SYTL5: variants seen among roughly 807,000 people sequenced by gnomAD.
The protein encoded by SYTL5 is synaptotagmin-like protein 5.
In SYTL5, 34 loss-of-function variants were observed where a neutral mutation model predicts 55.9. That is an observed-to-expected ratio of 0.61 (90% CI 0.46 to 0.81). SYTL5 has a LOEUF of 0.81. Ranked by LOEUF, SYTL5 falls within the 30% of genes least tolerant of loss-of-function variation. SYTL5 has a pLI of 0.00. For synonymous variants in SYTL5, 221 were observed against 188.7 expected (o/e 1.17, Z -1.40); for missense variants, 637 against 546.7 (o/e 1.17, Z -1.65).
chrX:37,952,298 G>T, the SYTL5 span, among the ~76,000 whole-genome samples: 1 of 111,583 alleles, frequency 9.0e-6, no homozygotes, highest in Non-Finnish European at 1.9e-5. Context: ...GTCTAGCCCT[G>T]GGTTTGTCTG....
chrX:37,972,466 C>T, the SYTL5 span, among the ~76,000 whole-genome samples: 1 of 111,435 alleles, frequency 9.0e-6, no homozygotes, highest in Non-Finnish European at 1.9e-5. Flanking sequence ...CGCGGTGGGG[C>T]TTCAATGGAC....
intron 1 of SYTL5, among the ~76,000 whole-genome samples, chrX:38,012,199 G>A (rs1934214008): frequency 8.9e-6 from 1 of 112,099 alleles, no homozygotes; most frequent in African/African-American, 3.2e-5. Context: ...AACACGTCTG[G>A]TTCATGTAAA....
At chrX:38,108,797 C>A in intron 12 of SYTL5, 98 bp downstream of exon 12, 1 of 505,277 alleles carries the variant, frequency 2.0e-6, no homozygotes, top group Non-Finnish European at 3.2e-6. Flanking sequence ...TGTGTCAAGG[C>A]TTGTATATGT....
At chrX:37,960,733 A>AT in the SYTL5 span, among the ~76,000 whole-genome samples, 10 of 104,975 alleles carry the variant, frequency 9.5e-5, no homozygotes, top group Admixed American at 3.0e-4. Flanking sequence ...CAATGCAGGT[A>AT]TTTTTTTTTC....
intron 2 of SYTL5, among the ~76,000 whole-genome samples, chrX:38,036,418 T>A (rs73465406): frequency 0.1 from 11,448 of 111,238 alleles, 982 homozygotes; most frequent in African/African-American, 0.24. Flanking sequence ...TTCGGTTAAA[T>A]TGGGTGTAAT....
the SYTL5 span, among the ~76,000 whole-genome samples, chrX:37,919,665 C>T: frequency 8.9e-6 from 1 of 112,062 alleles, no homozygotes; most frequent in Non-Finnish European, 1.9e-5. Flanking sequence ...AACGAAAAGG[C>T]TTTGGATATA....
At chrX:37,889,619 G>C in the SYTL5 span, among the ~76,000 whole-genome samples, 1 of 111,225 alleles carries the variant, frequency 9.0e-6, no homozygotes. Flanking sequence ...GTTTTTATTA[G>C]ATACATTGAA....
At chrX:37,903,733 A>T in the SYTL5 span, among the ~76,000 whole-genome samples, 8 of 111,653 alleles carry the variant, frequency 7.2e-5, no homozygotes, top group African/African-American at 2.6e-4. Context: ...AATTCAAAGT[A>T]AATTACTCAT....
chrX:38,115,805 TTCC>T (rs1937475953), intron 13 of SYTL5, among the ~76,000 whole-genome samples: 1 of 112,066 alleles, frequency 8.9e-6, no homozygotes, highest in Non-Finnish European at 1.9e-5. Flanking sequence ...ATTGCTTGAG[TTCC>T]TCATGTATCT....
chrX:37,997,207 G>A, the SYTL5 span, among the ~76,000 whole-genome samples: 4 of 112,539 alleles, frequency 3.6e-5, no homozygotes, highest in Non-Finnish European at 5.6e-5. Flanking sequence ...GCAGCAGGGA[G>A]CCATGACCAG....
At chrX:38,003,903 C>A (rs1933922836), upstream of SYTL5, among the ~76,000 whole-genome samples, 1 of 111,689 alleles carries the variant, frequency 9.0e-6, no homozygotes, top group Admixed American at 9.5e-5. Flanking sequence ...AAGATGACAT[C>A]TCATTGTAGT....
At chrX:38,057,440 C>T (rs1246330707) in intron 3 of SYTL5, among the ~76,000 whole-genome samples, 2 of 111,389 alleles carry the variant, frequency 1.8e-5, no homozygotes, top group Admixed American at 9.5e-5. Flanking sequence ...AATCAGGTAA[C>T]GTGATTCCTC....
the SYTL5 span, among the ~76,000 whole-genome samples, chrX:37,914,601 G>T: frequency 8.9e-6 from 1 of 111,832 alleles, no homozygotes; most frequent in African/African-American, 3.3e-5. Context: ...ATGGGATAAG[G>T]TAGGAGCAGA....
the SYTL5 span, among the ~76,000 whole-genome samples, chrX:37,956,581 G>A: frequency 1.8e-5 from 2 of 111,961 alleles, no homozygotes; most frequent in East Asian, 5.6e-4. Context: ...TTAGCATAAC[G>A]TCCACAAAGT....
At chrX:38,039,040 G>T (rs2224287) in intron 2 of SYTL5, among the ~76,000 whole-genome samples, 25,801 of 111,077 alleles carry the variant, frequency 0.23, 5,309 homozygotes, top group African/African-American at 0.66. Flanking sequence ...ACTCGTAAAG[G>T]TGCTCCATAC....
the SYTL5 span, among the ~76,000 whole-genome samples, chrX:37,942,690 A>G: frequency 9.0e-6 from 1 of 111,556 alleles, no homozygotes; most frequent in Non-Finnish European, 1.9e-5. Flanking sequence ...AATAAAACTA[A>G]CATATGGCTT....
intron 10 of SYTL5, among the ~76,000 whole-genome samples, chrX:38,104,994 T>C (rs759838075): frequency 1.8e-5 from 2 of 112,509 alleles, no homozygotes; most frequent in Non-Finnish European, 1.9e-5. Context: ...TTGACATATG[T>C]AAATTACTAC....
At chrX:38,033,083 T>C (rs765279051) in intron 1 of SYTL5, among the ~76,000 whole-genome samples, 10 of 111,753 alleles carry the variant, frequency 8.9e-5, no homozygotes, top group African/African-American at 1.3e-4. Flanking sequence ...TTGATGCATG[T>C]AGCAGAGGTT....
chrX:37,965,976 C>A, the SYTL5 span, among the ~76,000 whole-genome samples: 2 of 112,256 alleles, frequency 1.8e-5, no homozygotes, highest in Non-Finnish European at 3.8e-5. Flanking sequence ...TCACTTTCAA[C>A]CTATTTGTGT....
Sources: allele counts gnomAD v4.1 joint callset (sites outside exome capture counted in the v4.1 genomes callset), GRCh38; gene constraint gnomAD v4.1.1; transcripts MANE v1.5; gene names NCBI Gene and HGNC (gene_info 2026-07-23, HGNC 2026-07-21).